Variants in DRICH1 observed in about 807,000 individuals in gnomAD.
DRICH1 encodes the protein aspartate-rich protein 1.
DRICH1 carries 38 observed loss-of-function variants against 39.5 expected under a neutral mutation model. The ratio of observed to expected loss-of-function variants is 0.96; its 90% CI spans 0.74 to 1.26. DRICH1 has a LOEUF of 1.26. Ranked by LOEUF, DRICH1 falls within the 50% of genes most tolerant of loss-of-function variation. The pLI, the probability that DRICH1 is intolerant of heterozygous loss-of-function variation, is 0.00. For synonymous variants in DRICH1, 84 were observed against 99.5 expected (o/e 0.84, Z 0.93); for missense variants, 279 against 270.4 (o/e 1.03, Z -0.22).
chr22:23,602,511 C>G, the DRICH1 span, among the ~76,000 whole-genome samples: 3,808 of 152,332 alleles, frequency 0.025, 82 homozygotes, highest in Middle Eastern at 0.054. Context: ...ATGGCAAAAC[C>G]CTGTCTCTAC....
At chr22:23,623,210 T>C (rs928881783) in intron 3 of DRICH1, among the ~76,000 whole-genome samples, 1 of 152,012 alleles carries the variant, frequency 6.6e-6, no homozygotes, top group Non-Finnish European at 1.5e-5. Context: ...ATTGAGACCA[T>C]CCCGGCCAAC....
the DRICH1 span, among the ~76,000 whole-genome samples, chr22:23,599,121 C>T: frequency 7.9e-5 from 12 of 152,338 alleles, no homozygotes; most frequent in African/African-American, 2.9e-4. Flanking sequence ...CACTCAATAG[C>T]GTCTCAACAC....
chr22:23,606,759 C>T (rs1240044472), downstream of DRICH1, among the ~76,000 whole-genome samples: 4 of 152,292 alleles, frequency 2.6e-5, no homozygotes, highest in South Asian at 2.1e-4. Context: ...TGCCCTGCTA[C>T]GGCAGATGCC....
At chr22:23,586,185 A>T in the DRICH1 span, among the ~76,000 whole-genome samples, 2 of 152,194 alleles carry the variant, frequency 1.3e-5, no homozygotes, top group Non-Finnish European at 2.9e-5. Flanking sequence ...ACATTATTAG[A>T]TGCATACAAA....
At chr22:23,631,019 C>T (rs139954304) in intron 1 of DRICH1, 1 of 152,264 alleles carries the variant, frequency 6.6e-6, no homozygotes, top group Non-Finnish European at 1.5e-5. Flanking sequence ...GCATGCAGGG[C>T]TTCATACCTA....
intron 11 of DRICH1, among the ~76,000 whole-genome samples, chr22:23,609,976 C>T (rs1296509361): frequency 6.6e-6 from 1 of 152,140 alleles, no homozygotes; most frequent in Non-Finnish European, 1.5e-5. Flanking sequence ...CCTCCCTGCC[C>T]CTCATGCCTT....
At chr22:23,617,551 G>T in intron 7 of DRICH1, 24 bp downstream of exon 7, 1 of 1,610,188 alleles carries the variant, frequency 6.2e-7, no homozygotes, top group Non-Finnish European at 8.5e-7. Context: ...CATTTCCTTA[G>T]AAGACAAAGA....
Position 23,620,618 on chromosome 22 carries a change from G to T in DRICH1, c.385-3C>A, listed in dbSNP as rs1927664909. The T allele has an allele frequency of 5.6e-6, 9 of 1,613,732 alleles. No homozygotes were observed. The highest frequency in any genetic ancestry group is 7.6e-6 in the Non-Finnish European group (9 of 1,179,790). The stretch of plus-strand genomic sequence containing the variant: ...CCCTGGACACGTGACGGTAAAATCT[G>T]CAACGAGACAAAAGAAGATGCTATG... On this transcript the variant is annotated splice_polypyrimidine_tract_variant and splice_region_variant and intron_variant, in intron 4 of 11. Transcript: ENST00000317749.
chr22:23,632,153 T>C lies in DRICH1; in HGVS notation c.-130A>G. On this transcript the variant is annotated 5_prime_UTR_variant, in exon 1 of 12. Transcript: ENST00000317749. ...CAGCCTGACCCCAGGCAGATCTGGG[T>C]CCTCAGCCCTTATTCTGCCGCCACC... The C allele has an allele frequency of 6.9e-7, 1 of 1,449,196 alleles. No individual in the cohort carries two copies. Among genetic ancestry groups the C allele is most frequent in the Non-Finnish European group, 9.2e-7 (1 of 1,083,396 alleles). 89.8% of individuals were successfully genotyped at this position (1,449,196 alleles called of 1,614,324 possible). A position where few individuals can be genotyped will look rare whatever the true frequency, so the allele number is the denominator to read the frequency against.
At chr22:23,584,449 C>T in the DRICH1 span, among the ~76,000 whole-genome samples, 498 of 152,310 alleles carry the variant, frequency 3.3e-3, 2 homozygotes, top group Non-Finnish European at 4.7e-3. Context: ...CCAAGGATCC[C>T]TCTCTCTCAG....
chr22:23,628,421 G>A (rs1452659646), intron 1 of DRICH1, among the ~76,000 whole-genome samples: 1 of 152,146 alleles, frequency 6.6e-6, no homozygotes, highest in Admixed American at 6.5e-5. Flanking sequence ...ATAAAAATTA[G>A]TTGGGTGCGG....
intron 6 of DRICH1, 100 bp downstream of exon 6, chr22:23,619,264 T>A: frequency 1.4e-6 from 1 of 712,780 alleles, no homozygotes; most frequent in Non-Finnish European, 2.6e-6. Context: ...TTTCTAAAAG[T>A]AAAAAACATA....
the DRICH1 span, among the ~76,000 whole-genome samples, chr22:23,582,049 A>G: frequency 6.6e-6 from 1 of 151,172 alleles, no homozygotes; most frequent in Non-Finnish European, 1.5e-5. Context: ...GCGCAATCTT[A>G]GCTCATGGCA....
chr22:23,608,928 G>T (rs530400387), intron 11 of DRICH1, among the ~76,000 whole-genome samples, 160 bp from the exon 12 acceptor site: 4 of 152,326 alleles, frequency 2.6e-5, no homozygotes, highest in Admixed American at 2.6e-4. Flanking sequence ...ATCAGCCAGG[G>T]ACAGAGGTGC....
intron 2 of DRICH1, 30 bp downstream of exon 2, chr22:23,625,951 T>A (rs1301405637): frequency 5.1e-6 from 8 of 1,575,216 alleles, no homozygotes; most frequent in Non-Finnish European, 6.1e-6. Flanking sequence ...AAGCAACATT[T>A]CCTTAGAAGG....
chr22:23,592,507 C>A, the DRICH1 span, among the ~76,000 whole-genome samples: 4 of 152,074 alleles, frequency 2.6e-5, no homozygotes, highest in African/African-American at 9.7e-5. Flanking sequence ...CATCAGTATG[C>A]ATAACAGGCA....
At chr22:23,627,604 C>G (rs1404683846) in intron 1 of DRICH1, among the ~76,000 whole-genome samples, 1 of 152,174 alleles carries the variant, frequency 6.6e-6, no homozygotes, top group Non-Finnish European at 1.5e-5. Context: ...GATATGACAA[C>G]AATGAGAACA....
chr22:23,601,875 C>T, the DRICH1 span, among the ~76,000 whole-genome samples: 30 of 152,344 alleles, frequency 2.0e-4, no homozygotes, highest in Admixed American at 1.6e-3. Flanking sequence ...CAGTGGTTGC[C>T]GTGGTTGGGG....
chr22:23,619,814 A>C (rs1317201351), intron 5 of DRICH1, among the ~76,000 whole-genome samples: 1 of 152,184 alleles, frequency 6.6e-6, no homozygotes, highest in East Asian at 1.9e-4. Context: ...CTCCACACTC[A>C]GGGAGATGTC....
Sources: gnomAD v4.1 joint callset for allele counts (sites outside exome capture counted in the v4.1 genomes callset) on GRCh38, gnomAD v4.1.1 for gene constraint, MANE v1.5 for transcripts, NCBI Gene and HGNC (gene_info 2026-07-23, HGNC 2026-07-21) for gene names.